Variants in RBFOX1 observed in about 807,000 individuals in gnomAD.
RBFOX1 encodes the protein RNA binding fox-1 homolog 1.
A neutral mutation model predicts 57.7 loss-of-function variants in RBFOX1; 8 were observed. That is an observed-to-expected ratio of 0.14 (90% CI 0.08 to 0.25). The LOEUF (loss-of-function observed/expected upper bound fraction) is 0.25, where lower values mean the gene tolerates loss of function less well. RBFOX1 is among the 10% of genes least tolerant of loss of function. RBFOX1 has a pLI of 1.00. For missense variants in RBFOX1, 611 were observed against 548.5 expected, an observed-to-expected ratio of 1.11 and a Z score of -1.14; for synonymous variants, 326 against 222.4, an observed-to-expected ratio of 1.47 and a Z score of -4.15.
intron 4 of RBFOX1, among the ~76,000 whole-genome samples, chr16:5,938,814 C>T (rs963934860): frequency 6.6e-6 from 1 of 152,134 alleles, no homozygotes; most frequent in Non-Finnish European, 1.5e-5. Context: ...ACAGATGAAC[C>T]ACTCAGCTGA....
intron 5 of RBFOX1, among the ~76,000 whole-genome samples, chr16:7,546,229 A>G (rs1051757855): frequency 1.3e-5 from 2 of 152,030 alleles, no homozygotes; most frequent in African/African-American, 4.8e-5. Flanking sequence ...TAGGAGCCTG[A>G]GGTGGGAGAA....
intron 3 of RBFOX1, among the ~76,000 whole-genome samples, chr16:6,675,153 C>G (rs28581952): frequency 1.1e-4 from 16 of 151,852 alleles, no homozygotes; most frequent in African/African-American, 3.9e-4. Context: ...ATCCGCCCAC[C>G]TCGGCCTCCC....
At chr16:7,591,163 G>T (rs1159450702) in intron 7 of RBFOX1, among the ~76,000 whole-genome samples, 1 of 152,142 alleles carries the variant, frequency 6.6e-6, no homozygotes, top group Non-Finnish European at 1.5e-5. Context: ...GAATTTCCCA[G>T]GGAGGGGAAA....
At chr16:5,286,364 G>A (rs534733995) in intron 1 of RBFOX1, among the ~76,000 whole-genome samples, 1 of 152,124 alleles carries the variant, frequency 6.6e-6, no homozygotes, top group Non-Finnish European at 1.5e-5. Flanking sequence ...CAGGTGATGT[G>A]TGCAGGTTCT....
At chr16:7,142,437 G>T (rs2074021450) in intron 4 of RBFOX1, among the ~76,000 whole-genome samples, 1 of 152,120 alleles carries the variant, frequency 6.6e-6, no homozygotes, top group Admixed American at 6.5e-5. Flanking sequence ...ATCAGCCCCT[G>T]TACCGCAGGC....
intron 3 of RBFOX1, among the ~76,000 whole-genome samples, chr16:5,649,104 C>T (rs115335639): frequency 0.011 from 1,727 of 151,448 alleles, 38 homozygotes; most frequent in African/African-American, 0.039. Flanking sequence ...TACATAAAAG[C>T]GATTATATAT....
In RBFOX1 at chr16:5,454,928, TTCC is replaced by T. The variant is rs1338290464; in HGVS notation, c.220-12286_220-12284del. Reference sequence around the variant, plus strand: ...TTTCTTTCTTTCCTTTGTTTCTTTCTTCCTTCCTTCCTTCCTTCCTTCCTTCCT... The same window carrying T: ...TTTCTTTCTTTCCTTTGTTTCTTTCTTTCCTTCCTTCCTTCCTTCCTTCCT... On this transcript the variant is annotated intron_variant, in intron 1 of 2. Coordinates refer to the RBFOX1 transcript ENST00000585867. Among the ~76,000 whole-genome samples, 294 of 42,892 alleles carry T rather than the reference TTCC, an allele frequency of 6.9e-3. 14 individuals carry two copies. In the East Asian group the frequency reaches 0.11, roughly 17 times the overall value. 28.1% of individuals were successfully genotyped at this position (42,892 alleles called of 152,430 possible). A position where few individuals can be genotyped will look rare whatever the true frequency, so the allele number is the denominator to read the frequency against.
chr16:7,385,701 A>T (rs903465534), intron 4 of RBFOX1, among the ~76,000 whole-genome samples: 1 of 152,060 alleles, frequency 6.6e-6, no homozygotes. Context: ...ACATCTCAAG[A>T]GGTGGGTTTG....
chr16:7,043,031 C>G (rs1419083021), intron 3 of RBFOX1, among the ~76,000 whole-genome samples: 6 of 151,568 alleles, frequency 4.0e-5, no homozygotes, highest in Non-Finnish European at 8.8e-5. Flanking sequence ...TCCTTCGCTT[C>G]CATCCTCCAC....
intron 4 of RBFOX1, among the ~76,000 whole-genome samples, chr16:7,158,861 G>A (rs745616756): frequency 6.6e-6 from 1 of 152,064 alleles, no homozygotes; most frequent in African/African-American, 2.4e-5. Context: ...GTGCATGTGT[G>A]TGTATGGTTT....
intron 1 of RBFOX1, among the ~76,000 whole-genome samples, chr16:6,315,711 G>A (rs185408755): frequency 1.3e-5 from 2 of 152,276 alleles, no homozygotes; most frequent in Admixed American, 1.3e-4. Context: ...AAAGGCTATT[G>A]AAGGGTGAAT....
intron 11 of RBFOX1, among the ~76,000 whole-genome samples, chr16:7,634,915 C>T (rs563602663): frequency 6.6e-6 from 1 of 152,312 alleles, no homozygotes; most frequent in East Asian, 1.9e-4. Flanking sequence ...AAATGGAAAA[C>T]ATTTGCAATT....
intron 1 of RBFOX1, among the ~76,000 whole-genome samples, chr16:5,327,277 G>A (rs1275810629): frequency 6.6e-6 from 1 of 152,098 alleles, no homozygotes; most frequent in African/African-American, 2.4e-5. Flanking sequence ...CCTGCCCCAT[G>A]TCCCTGCCTC....
intron 3 of RBFOX1, among the ~76,000 whole-genome samples, chr16:5,691,897 T>C (rs2050691602): frequency 6.6e-6 from 1 of 152,216 alleles, no homozygotes; most frequent in Non-Finnish European, 1.5e-5. Context: ...CCAGAGCTTC[T>C]TGTACTCTCC....
At chr16:7,252,156 A>C (rs1431356701) in intron 4 of RBFOX1, among the ~76,000 whole-genome samples, 1 of 151,868 alleles carries the variant, frequency 6.6e-6, no homozygotes, top group Non-Finnish European at 1.5e-5. Flanking sequence ...AGCTATGAGA[A>C]CTCCTATTTC....
rs141886251 is a variant in RBFOX1 at position 5,589,270 on chromosome 16, G to A, written c.259-9632G>A. ...ACCAAGGGAATGCTTCTGTTCCTTT[G>A]CATGGTTTGTACAAGGAAGTGTGGT... On this transcript the variant is annotated intron_variant, in intron 2 of 2. Coordinates refer to the RBFOX1 transcript ENST00000585867. 2.0e-5 allele frequency among the ~76,000 whole-genome samples: 3 copies of A among 152,256 alleles called. No homozygotes were observed. The East Asian group carries it at 5.8e-4, about 29-fold the overall frequency.
chr16:7,241,426 A>C (rs985283541), intron 4 of RBFOX1, among the ~76,000 whole-genome samples: 4 of 152,162 alleles, frequency 2.6e-5, no homozygotes, highest in South Asian at 2.1e-4. Context: ...ATGCATTCCA[A>C]CGTCTAAGTG....
At chr16:5,751,145 G>C (rs571885773) in intron 3 of RBFOX1, among the ~76,000 whole-genome samples, 8 of 152,248 alleles carry the variant, frequency 5.3e-5, no homozygotes, top group Non-Finnish European at 5.9e-5. Context: ...GCCTTGCCAA[G>C]AAATTCTGCT....
intron 1 of RBFOX1, among the ~76,000 whole-genome samples, chr16:6,273,592 C>T (rs372893101): frequency 7.4e-4 from 113 of 151,974 alleles, no homozygotes; most frequent in African/African-American, 2.4e-3. Context: ...GTGATCCGCC[C>T]GCCTCGGCCC....
Sources: gnomAD v4.1 joint callset for allele counts (sites outside exome capture counted in the v4.1 genomes callset) on GRCh38, gnomAD v4.1.1 for gene constraint, MANE v1.5 for transcripts, NCBI Gene and HGNC (gene_info 2026-07-23, HGNC 2026-07-21) for gene names.